Variants in ARHGAP23 observed in about 807,000 individuals in gnomAD.
ARHGAP23 encodes the protein Rho GTPase activating protein 23, also known as rho GTPase-activating protein 23.
Under a neutral mutation model 136.3 loss-of-function variants are expected in ARHGAP23, and 34 were observed. The ratio of observed to expected loss-of-function variants is 0.25; its 90% CI spans 0.19 to 0.33. The LOEUF (loss-of-function observed/expected upper bound fraction) is 0.33, where lower values mean the gene tolerates loss of function less well. ARHGAP23 is among the 10% of genes least tolerant of loss of function. ARHGAP23 has a pLI of 1.00. For missense variants in ARHGAP23, 1,808 were observed against 2,139.0 expected, an observed-to-expected ratio of 0.85 and a Z score of 3.05; for synonymous variants, 832 against 920.5, an observed-to-expected ratio of 0.90 and a Z score of 1.74.
chr17:38,510,812 A>C lies in ARHGAP23; in HGVS notation c.4316A>C (p.His1439Pro), dbSNP rs2040747369. Residue 1439 changes from histidine to proline, a missense_variant, in exon 24 of 24, where the codon CAC becomes CCC. Physicochemically the swap from His to Pro is moderately conservative, Grantham distance 77. Around this residue, in one of 7 missense-constraint regions of ARHGAP23, gnomAD observed 506 missense variants for 455.8 expected, o/e 1.11. Coordinates refer to ENST00000622683, the MANE Select transcript of ARHGAP23 (RefSeq NM_001199417.2). The surrounding 1 kb of genome is among the most constrained non-coding windows in gnomAD (Gnocchi z 4.6). ...GPPEPAGARA[H>P]SDNKDSGLSS... is the part of the protein sequence containing the mutation. Reference sequence around the variant, plus strand: ...CCGGAGCCTGCGGGCGCGCGGGCGCACAGTGACAACAAGGACTCCGGACTC... The same window carrying C: ...CCGGAGCCTGCGGGCGCGCGGGCGCCCAGTGACAACAAGGACTCCGGACTC... 6.6e-7 allele frequency: 1 copy of C among 1,507,204 alleles called. No individual in the cohort carries two copies. Among genetic ancestry groups the C allele is most frequent in the East Asian group, 2.8e-5 (1 of 36,002 alleles). The allele number at this position is 1,507,204 out of a possible 1,614,324, so 93.4% of individuals were successfully genotyped here.
intron 23 of ARHGAP23, among the ~76,000 whole-genome samples, chr17:38,503,567 C>T (rs886275884): frequency 6.6e-6 from 1 of 152,200 alleles, no homozygotes; most frequent in Non-Finnish European, 1.5e-5. Flanking sequence ...AGAAGATGTC[C>T]TCATTTGCTT....
At chr17:38,470,190 G>C (rs527543754) in intron 10 of ARHGAP23, among the ~76,000 whole-genome samples, 8 of 152,122 alleles carry the variant, frequency 5.3e-5, no homozygotes, top group Admixed American at 1.3e-4. Flanking sequence ...CCCTGTCTTC[G>C]CGGCTTTTTA....
upstream of ARHGAP23, among the ~76,000 whole-genome samples, chr17:38,424,124 C>T (rs928817050): frequency 9.9e-5 from 15 of 152,090 alleles, no homozygotes; most frequent in East Asian, 3.8e-4. Flanking sequence ...GAATTTGAAC[C>T]CAGGTCTTCA....
chr17:38,490,354 C>T, intron 18 of ARHGAP23, 108 bp from the exon 19 acceptor site: 1 of 1,137,738 alleles, frequency 8.8e-7, no homozygotes, highest in Non-Finnish European at 1.3e-6. Flanking sequence ...GGATAGGTTC[C>T]AGACTCCCTG....
intron 1 of ARHGAP23, among the ~76,000 whole-genome samples, chr17:38,430,107 C>T (rs543311865): frequency 6.6e-6 from 1 of 152,244 alleles, no homozygotes; most frequent in Non-Finnish European, 1.5e-5. Context: ...TCTTGGGAAC[C>T]ATGGGAGCAG....
At chr17:38,426,572 A>AAAAAAAAAAAAAAAAAT (rs1567767218), upstream of ARHGAP23, among the ~76,000 whole-genome samples, 2 of 149,280 alleles carry the variant, frequency 1.3e-5, no homozygotes, top group Non-Finnish European at 3.0e-5. Flanking sequence ...AAAAAAAAAA[A>AAAAAAAAAAAAAAAAAT]TCCAGGCAGT....
chr17:38,466,897 C>G lies in ARHGAP23; in HGVS notation c.1214C>G (p.Pro405Arg). Residue 405 changes from proline (P) to arginine (R), a missense_variant, in exon 7 of 24, where the codon CCG (proline) becomes CGG (arginine). Pro to Arg is a moderately radical substitution (Grantham distance 103, BLOSUM62 -2). Transcript: ENST00000622683. ...RDLPGPQAPP[P>R]SGLQGLDDLG... is the part of the protein sequence containing the mutation. Reference sequence around the variant, plus strand: ...CTGCCAGGGCCCCAGGCCCCACCCCCGTCTGGCCTGCAGGGCCTGGATGAC... The same window carrying G: ...CTGCCAGGGCCCCAGGCCCCACCCCGGTCTGGCCTGCAGGGCCTGGATGAC... 1.3e-6 allele frequency: 2 copies of G among 1,550,318 alleles called. No individual in the cohort carries two copies. The highest frequency in any genetic ancestry group is 1.7e-6 in the Non-Finnish European group (2 of 1,146,904).
intron 17 of ARHGAP23, among the ~76,000 whole-genome samples, chr17:38,487,286 A>G (rs572086922): frequency 3.1e-4 from 47 of 152,340 alleles, no homozygotes; most frequent in Non-Finnish European, 4.7e-4. Context: ...TGAATAGACT[A>G]CAATTTCTTT....
chr17:38,425,721 C>A (rs967703676), upstream of ARHGAP23, among the ~76,000 whole-genome samples: 5 of 152,006 alleles, frequency 3.3e-5, no homozygotes, highest in Admixed American at 1.3e-4. Flanking sequence ...GGGCGGATGG[C>A]AGGATGCATG....
chr17:38,495,735 G>A (rs1022109608), intron 20 of ARHGAP23, among the ~76,000 whole-genome samples: 6 of 152,184 alleles, frequency 3.9e-5, no homozygotes, highest in Non-Finnish European at 5.9e-5. Flanking sequence ...AGGCTAATAT[G>A]TGTCCTTCCA....
intron 15 of ARHGAP23, among the ~76,000 whole-genome samples, 166 bp from the exon 16 acceptor site, chr17:38,482,357 G>T (rs1199553988): frequency 6.6e-6 from 1 of 152,246 alleles, no homozygotes; most frequent in East Asian, 1.9e-4. Context: ...TCAGACCATG[G>T]CGAGGCTTTG....
chr17:38,440,438 G>A (rs1025041000), intron 1 of ARHGAP23, among the ~76,000 whole-genome samples: 2 of 152,196 alleles, frequency 1.3e-5, no homozygotes, highest in African/African-American at 2.4e-5. Flanking sequence ...CTCAGACTAC[G>A]GGACTGATTT....
chr17:38,454,872 G>A (rs949522959), intron 1 of ARHGAP23, among the ~76,000 whole-genome samples: 4 of 152,246 alleles, frequency 2.6e-5, no homozygotes, highest in Non-Finnish European at 4.4e-5. Context: ...GCCTAAGGCC[G>A]TCTGCCCTGC....
intron 1 of ARHGAP23, among the ~76,000 whole-genome samples, chr17:38,435,438 C>T (rs1238867625): frequency 6.6e-6 from 1 of 152,130 alleles, no homozygotes; most frequent in Non-Finnish European, 1.5e-5. Context: ...TCCCAAGGTC[C>T]AAGTAGAAAG....
chr17:38,419,778 T>G (rs1004239052), intron 1 of ARHGAP23, among the ~76,000 whole-genome samples: 1 of 152,058 alleles, frequency 6.6e-6, no homozygotes, highest in Non-Finnish European at 1.5e-5. Context: ...CTACAGACTC[T>G]GCAGAATGAA....
chr17:38,508,549 T>C (rs1208927456), intron 23 of ARHGAP23, among the ~76,000 whole-genome samples: 1 of 152,150 alleles, frequency 6.6e-6, no homozygotes, highest in Non-Finnish European at 1.5e-5. Flanking sequence ...GAGGATCAGA[T>C]TCCTGCTTCA....
intron 11 of ARHGAP23, 36 bp downstream of exon 11, chr17:38,472,042 C>T: frequency 6.6e-7 from 1 of 1,514,072 alleles, no homozygotes; most frequent in Admixed American, 2.0e-5. Flanking sequence ...GAAGCTGGCT[C>T]CAGCAGAACC....
rs1862910014 is a variant in ARHGAP23, at chr17:38,463,361, G to C, written c.462G>C (p.Lys154Asn). 2 of 1,551,570 alleles carry C rather than the reference G, an allele frequency of 1.3e-6. No individual in the cohort carries two copies. The highest frequency in any genetic ancestry group is 1.7e-6 in the Non-Finnish European group (2 of 1,146,972). The change falls in exon 6 of 24, where the codon AAG (lysine) becomes AAC (asparagine). Residue 154 changes from lysine (K) to asparagine (N), a missense_variant. This residue lies in a region of ARHGAP23 where 859 missense variants were observed against 936.4 expected (regional missense o/e 0.92). Coordinates refer to ENST00000622683, the MANE Select transcript of ARHGAP23 (RefSeq NM_001199417.2). ...CTCTGGAGCTGTCTATCATGCCCAAGGACGAGGACATCCTCCAGCTGGTGA... is the reference window on the plus strand; with the variant it reads ...CTCTGGAGCTGTCTATCATGCCCAACGACGAGGACATCCTCCAGCTGGTGA... ...DDTLELSIMP[K>N]DEDILQLAYS...
At chr17:38,476,344 C>T (rs998247626) in intron 11 of ARHGAP23, among the ~76,000 whole-genome samples, 3 of 152,124 alleles carry the variant, frequency 2.0e-5, no homozygotes, top group African/African-American at 7.2e-5. Context: ...ATAGTTGTGA[C>T]TTCCTGATGG....
Sources: allele counts gnomAD v4.1 joint callset (sites outside exome capture counted in the v4.1 genomes callset), GRCh38; gene constraint gnomAD v4.1.1; regional missense constraint gnomAD v4.1.1; non-coding constraint Gnocchi (gnomAD v3.1); transcripts MANE v1.5; gene names NCBI Gene and HGNC (gene_info 2026-07-23, HGNC 2026-07-21).